Variants in CFTR observed in about 807,000 individuals in gnomAD.
CFTR encodes CF transmembrane conductance regulator.
In CFTR, 181 loss-of-function variants were observed where a neutral mutation model predicts 171.6. That is an observed-to-expected ratio of 1.05 (90% CI 0.93 to 1.19). The LOEUF (loss-of-function observed/expected upper bound fraction) is 1.19. Ranked by LOEUF, CFTR falls within the 50% of genes most tolerant of loss-of-function variation. The pLI, the probability that CFTR is intolerant of heterozygous loss-of-function variation, is 0.00. For missense variants in CFTR, 1,968 were observed against 1,734.7 expected (o/e 1.13, Z -2.39); for synonymous variants, 583 against 608.0 (o/e 0.96, Z 0.60).
At chr7:117,625,830 G>C (rs1792641728) in intron 21 of CFTR, among the ~76,000 whole-genome samples, 1 of 152,084 alleles carries the variant, frequency 6.6e-6, no homozygotes, top group Non-Finnish European at 1.5e-5. Context: ...TTATAGACTA[G>C]CAGCTCTCTA....
At chr7:117,551,745 C>T (rs558406149) in intron 10 of CFTR, among the ~76,000 whole-genome samples, 1 of 152,302 alleles carries the variant, frequency 6.6e-6, no homozygotes, top group East Asian at 1.9e-4. Context: ...TAGAATTTTG[C>T]ATCACTGGAT....
chr7:117,618,763 G>A (rs1276454065), intron 21 of CFTR, among the ~76,000 whole-genome samples: 3 of 152,038 alleles, frequency 2.0e-5, no homozygotes, highest in Admixed American at 2.0e-4. Context: ...AATGTGTCTG[G>A]CCCTATTTGG....
rs1057516415 is a variant in CFTR, at chr7:117,610,521, GT to G, written c.2993del (p.Leu998TyrfsTer2). Reference protein sequence around the residue: ...PLTIFDFIQLLLIVIGAIAVV... With the variant: ...PLTIFDFIQLXLIVIGAIAVV... ...ACATGTTTTCTTTGATCTTACAGTT[GT>G]TATTAATTGTGATTGGAGCTATAGC... On this transcript the variant is annotated frameshift_variant, in exon 19 of 27. Transcript: ENST00000003084. LOFTEE classifies it high-confidence loss of function. 1 of 1,612,004 alleles carries G rather than the reference GT, an allele frequency of 6.2e-7. No homozygotes were observed. The highest frequency in any genetic ancestry group is 8.5e-7 in the Non-Finnish European group (1 of 1,178,996).
chr7:117,615,598 T>C lies in CFTR; in HGVS notation c.3468+885T>C, dbSNP rs559936701. On this transcript the variant is annotated intron_variant, in intron 21 of 26. Coordinates refer to ENST00000003084, the MANE Select transcript of CFTR (RefSeq NM_000492.4). Reference sequence around the variant, plus strand: ...AATATTGCCACACATTTGTATACTTTATTAGTGTGTACAAAGACCACATTT... The same window carrying C: ...AATATTGCCACACATTTGTATACTTCATTAGTGTGTACAAAGACCACATTT... Among the ~76,000 whole-genome samples, 11 of 151,934 alleles carry C rather than the reference T, an allele frequency of 7.2e-5. No homozygotes were observed. In the East Asian group the frequency reaches 2.1e-3, roughly 29 times the overall value.
intron 10 of CFTR, among the ~76,000 whole-genome samples, chr7:117,556,751 C>G (rs1799367485): frequency 6.6e-6 from 1 of 150,480 alleles, no homozygotes; most frequent in South Asian, 2.1e-4. Context: ...GATCTCCTGA[C>G]CTCGTGATCC....
chr7:117,532,843 C>T (rs1004199709), intron 4 of CFTR, among the ~76,000 whole-genome samples: 19 of 152,144 alleles, frequency 1.2e-4, no homozygotes, highest in Admixed American at 7.2e-4. Flanking sequence ...ATCCCATCTC[C>T]GTGTGGCTTT....
intron 11 of CFTR, among the ~76,000 whole-genome samples, chr7:117,583,740 G>A (rs927203360): frequency 6.6e-6 from 1 of 151,986 alleles, no homozygotes; most frequent in Non-Finnish European, 1.5e-5. Flanking sequence ...GTTCTTTAAG[G>A]AATCTCCATA....
At chr7:117,565,485 G>T (rs1430814051) in intron 11 of CFTR, among the ~76,000 whole-genome samples, 1 of 152,034 alleles carries the variant, frequency 6.6e-6, no homozygotes, top group East Asian at 1.9e-4. Flanking sequence ...TCACTGTTTT[G>T]TAAATGTACC....
rs543969454 is a variant in CFTR at position 117,513,349 on chromosome 7, G to A, written c.273+4207G>A. ...GGGGGTCTTGTTTTGTAGGTAAATC[G>A]TTGGCAGCCCACAGAGAAAATAGAT... On this transcript the variant is annotated intron_variant, in intron 3 of 26. Coordinates refer to ENST00000003084, the MANE Select transcript of CFTR (RefSeq NM_000492.4). Among the ~76,000 whole-genome samples the A allele has an allele frequency of 6.0e-5, 9 of 151,150 alleles. No individual in the cohort carries two copies. The South Asian group carries it at 8.4e-4, about 14-fold the overall frequency.
At chr7:117,654,960 C>A (rs1017103302) in intron 24 of CFTR, among the ~76,000 whole-genome samples, 1 of 152,172 alleles carries the variant, frequency 6.6e-6, no homozygotes, top group East Asian at 1.9e-4. Context: ...GCTTTGGAGT[C>A]ATTCTTCCAT....
chr7:117,486,956 G>A (rs1373284981), intron 1 of CFTR, among the ~76,000 whole-genome samples: 3 of 151,650 alleles, frequency 2.0e-5, no homozygotes, highest in Non-Finnish European at 4.4e-5. Context: ...AACTGGTTTG[G>A]TAATCAATTA....
chr7:117,518,690 C>T (rs745856301), intron 3 of CFTR, among the ~76,000 whole-genome samples: 4 of 151,316 alleles, frequency 2.6e-5, no homozygotes, highest in Non-Finnish European at 5.9e-5. Flanking sequence ...TTTGGACTCC[C>T]GAAGTGCTGG....
chr7:117,610,295 G>A (rs973100441), intron 18 of CFTR, among the ~76,000 whole-genome samples: 2 of 148,660 alleles, frequency 1.3e-5, no homozygotes, highest in African/African-American at 5.0e-5. Flanking sequence ...TAGATGACGA[G>A]TTAGTGGGTG....
chr7:117,488,646 T>G (rs1394985685), intron 1 of CFTR, among the ~76,000 whole-genome samples: 1 of 152,064 alleles, frequency 6.6e-6, no homozygotes, highest in African/African-American at 2.4e-5. Context: ...GTAATCAATT[T>G]TCAAATAAAA....
chr7:117,602,935 T>C, intron 16 of CFTR, 72 bp downstream of exon 16: 1 of 1,246,498 alleles, frequency 8.0e-7, no homozygotes, highest in Non-Finnish European at 1.2e-6. Context: ...TCCACTATGT[T>C]TGTATGTATT....
chr7:117,549,120 A>G (rs1428950938), intron 10 of CFTR, among the ~76,000 whole-genome samples: 1 of 152,234 alleles, frequency 6.6e-6, no homozygotes, highest in Non-Finnish European at 1.5e-5. Context: ...TAAACAAATC[A>G]TCCATTTTAT....
At chr7:117,594,383 A>C (rs1400124505) in intron 14 of CFTR, among the ~76,000 whole-genome samples, 1 of 152,236 alleles carries the variant, frequency 6.6e-6, no homozygotes, top group Non-Finnish European at 1.5e-5. Flanking sequence ...AAAGACAAAG[A>C]TTTCTAGAGG....
intron 3 of CFTR, among the ~76,000 whole-genome samples, chr7:117,521,547 C>T (rs35254620): frequency 9.2e-5 from 14 of 152,096 alleles, no homozygotes; most frequent in African/African-American, 3.1e-4. Context: ...CTGAGATAAT[C>T]ATAGGTTCTT....
chr7:117,580,655 C>T (rs769230523), intron 11 of CFTR, among the ~76,000 whole-genome samples: 5 of 151,958 alleles, frequency 3.3e-5, no homozygotes, highest in Non-Finnish European at 7.4e-5. Context: ...ATCTAATAAA[C>T]GTATTTATGA....
Sources: allele counts gnomAD v4.1 joint callset (sites outside exome capture counted in the v4.1 genomes callset), GRCh38; gene constraint gnomAD v4.1.1; transcripts MANE v1.5; gene names NCBI Gene and HGNC (gene_info 2026-07-23, HGNC 2026-07-21).